GPX8: variants seen among roughly 807,000 people sequenced by gnomAD.
GPX8 encodes protein peroxidase GPX8.
Under a neutral mutation model 17.8 loss-of-function variants are expected in GPX8, and 12 were observed. The observed-to-expected ratio is 0.67, with a 90% CI of 0.43 to 1.09. The LOEUF (loss-of-function observed/expected upper bound fraction) is 1.09. Ranked by LOEUF, GPX8 falls within the 50% of genes least tolerant of loss-of-function variation. GPX8 has a pLI of 0.00. For missense variants in GPX8, 209 were observed against 235.6 expected, an observed-to-expected ratio of 0.89 and a Z score of 0.74; for synonymous variants, 86 against 88.1, an observed-to-expected ratio of 0.98 and a Z score of 0.14.
chr5:55,160,894 T>G, intron 1 of GPX8, 100 bp from the exon 2 acceptor site: 1 of 1,231,336 alleles, frequency 8.1e-7, no homozygotes, highest in Non-Finnish European at 1.1e-6. Flanking sequence ...CAATCAGAGG[T>G]TATAGTCCCC....
intron 2 of GPX8, among the ~76,000 whole-genome samples, chr5:55,162,514 G>C (rs182782996): frequency 1.3e-5 from 2 of 152,150 alleles, no homozygotes; most frequent in Non-Finnish European, 2.9e-5. Context: ...CCTCACTCAG[G>C]CAATCAAGCT....
At chr5:55,162,934 A>G (rs899035926) in intron 2 of GPX8, among the ~76,000 whole-genome samples, 1 of 152,148 alleles carries the variant, frequency 6.6e-6, no homozygotes, top group African/African-American at 2.4e-5. Context: ...CCGTATATCA[A>G]TCCTGGCTCA....
intron 2 of GPX8, among the ~76,000 whole-genome samples, chr5:55,161,647 A>C (rs1181587065): frequency 6.6e-6 from 1 of 152,248 alleles, no homozygotes; most frequent in Non-Finnish European, 1.5e-5. Context: ...TTATTAGTTA[A>C]CATATGTTTG....
chr5:55,163,524 G>A (rs1580373097), intron 2 of GPX8, among the ~76,000 whole-genome samples: 1 of 151,492 alleles, frequency 6.6e-6, no homozygotes, highest in Non-Finnish European at 1.5e-5. Flanking sequence ...AATTTTATTT[G>A]ACACAGAGTT....
chr5:55,161,653 G>A (rs1259887158), intron 2 of GPX8, among the ~76,000 whole-genome samples: 1 of 152,160 alleles, frequency 6.6e-6, no homozygotes, highest in East Asian at 1.9e-4. Context: ...GTTAACATAT[G>A]TTTGTGGCTA....
At position 55,160,271 on chromosome 5, in the gene GPX8, C is replaced by CTA. The variant is rs751311156; in HGVS notation, c.81_82dup (p.Cys28TyrfsTer4). 6.2e-7 allele frequency: 1 copy of CTA among 1,613,756 alleles called. No individual in the cohort carries two copies. Among genetic ancestry groups the CTA allele is most frequent in the Non-Finnish European group, 8.5e-7 (1 of 1,179,638 alleles). On this transcript the variant is annotated frameshift_variant, in exon 1 of 3. Coordinates refer to ENST00000503787, the MANE Select transcript of GPX8 (RefSeq NM_001008397.4). LOFTEE classifies it high-confidence loss of function. ...ATTTGCAGTTTTGCTGTCTATAGTT[C>CTA]TATGCACAGTAACGCTATTTCTTCT... is the stretch of plus-strand genomic sequence containing the variant.
At chr5:55,163,526 C>T (rs745720067) in intron 2 of GPX8, among the ~76,000 whole-genome samples, 14 of 151,832 alleles carry the variant, frequency 9.2e-5, no homozygotes, top group Non-Finnish European at 1.5e-4. Context: ...TTTTATTTGA[C>T]ACAGAGTTTC....
intron 2 of GPX8, 43 bp downstream of exon 2, chr5:55,161,298 T>C: frequency 1.3e-6 from 2 of 1,550,196 alleles, no homozygotes; most frequent in Non-Finnish European, 1.8e-6. Context: ...TTGCTTTTCA[T>C]TTTTAAACAA....
Position 55,160,277 on chromosome 5 carries a change from A to C in GPX8, c.85A>C (p.Thr29Pro). The change falls in exon 1 of 3, where the codon ACA becomes CCA. Residue 29 changes from threonine (T) to proline (P), a missense_variant. Physicochemically the swap from Thr to Pro is conservative, Grantham distance 38. Coordinates refer to ENST00000503787, the MANE Select transcript of GPX8 (RefSeq NM_001008397.4). ...FAVLLSIVLCTVTLFLLQLKF... is the reference protein window; with the variant it reads ...FAVLLSIVLCPVTLFLLQLKF... ...AGTTTTGCTGTCTATAGTTCTATGC[A>C]CAGTAACGCTATTTCTTCTACAACT... The C allele has an allele frequency of 6.2e-7, 1 of 1,613,874 alleles. No individual in the cohort carries two copies. Among genetic ancestry groups the C allele is most frequent in the Non-Finnish European group, 8.5e-7 (1 of 1,179,734 alleles).
rs771661014 is a variant in GPX8, at chr5:55,165,912, G to A, written c.*1694G>A. 7 of 152,230 alleles carry A rather than the reference G, an allele frequency of 4.6e-5. No individual in the cohort carries two copies. The highest frequency in any genetic ancestry group is 1.0e-4 in the Non-Finnish European group (7 of 68,048). The allele number at this position is 152,230 out of a possible 1,614,324, so 9.4% of individuals were successfully genotyped here. On this transcript the variant is annotated 3_prime_UTR_variant, in exon 3 of 3. Coordinates refer to ENST00000503787, the MANE Select transcript of GPX8 (RefSeq NM_001008397.4). Reference sequence around the variant, plus strand: ...CTAAGGTGTTTTAAGTGACCAGGAAGGAAATCAGAACTAACCTGGATTGTT... The same window carrying A: ...CTAAGGTGTTTTAAGTGACCAGGAAAGAAATCAGAACTAACCTGGATTGTT...
At chr5:55,161,461 G>T (rs1744060054) in intron 2 of GPX8, among the ~76,000 whole-genome samples, 1 of 152,140 alleles carries the variant, frequency 6.6e-6, no homozygotes, top group South Asian at 2.1e-4. Flanking sequence ...GATGGTAAAA[G>T]AATTCTATTC....
At position 55,164,885 on chromosome 5, in the gene GPX8, C is replaced by T. The variant is rs550120827; in HGVS notation, c.*667C>T. 6.6e-6 allele frequency: 1 copy of T among 151,858 alleles called. No individual in the cohort carries two copies. The highest frequency in any genetic ancestry group is 2.1e-4 in the South Asian group (1 of 4,810). The allele number at this position is 151,858 out of a possible 1,614,324, so 9.4% of individuals were successfully genotyped here. On this transcript the variant is annotated 3_prime_UTR_variant, in exon 3 of 3. Coordinates refer to ENST00000503787, the MANE Select transcript of GPX8 (RefSeq NM_001008397.4). The stretch of plus-strand genomic sequence containing the variant: ...ATATAAATAGTCATTTATAAATGAC[C>T]GTATTATAACATTTGAAAAAGTCTT...
At chr5:55,160,637 G>T in intron 1 of GPX8, 1 of 503,616 alleles carries the variant, frequency 2.0e-6, no homozygotes, top group Non-Finnish European at 3.5e-6. Flanking sequence ...ATGTAAAGTT[G>T]TTTGGAAAAT....
chr5:55,163,248 G>C (rs1010390458), intron 2 of GPX8, among the ~76,000 whole-genome samples: 2 of 152,112 alleles, frequency 1.3e-5, no homozygotes, highest in Non-Finnish European at 2.9e-5. Context: ...GGCTGGGCAT[G>C]GTAGCTCATG....
In GPX8 at chr5:55,161,110, C is replaced by T. The variant is rs185745382; in HGVS notation, c.321C>T (p.Pro107=). 134 of 1,614,160 alleles carry T rather than the reference C, an allele frequency of 8.3e-5. No homozygotes were observed. Among genetic ancestry groups the T allele is most frequent in the Non-Finnish European group, 1.6e-5 (19 of 1,180,030 alleles). ...CCCACTTCAGCGTGTTGGCTTTTCC[C>T]TGCAATCAGTTTGGAGAATCGGAGC... ...GPSHFSVLAF[P]CNQFGESEPR... Residue 107 remains proline (P), a synonymous_variant, in exon 2 of 3, where the codon CCC becomes CCT. Transcript: ENST00000503787.
chr5:55,163,218 A>T (rs1160981931), intron 2 of GPX8, among the ~76,000 whole-genome samples: 2 of 152,160 alleles, frequency 1.3e-5, no homozygotes, highest in Non-Finnish European at 2.9e-5. Flanking sequence ...ATAAATTAAG[A>T]TTTATCAAAA....
intron 2 of GPX8, among the ~76,000 whole-genome samples, chr5:55,162,143 C>T (rs548928257): frequency 1.8e-4 from 27 of 150,538 alleles, no homozygotes; most frequent in Non-Finnish European, 3.4e-4. Flanking sequence ...CGCCTGTAAT[C>T]CCAGCACTTT....
Position 55,164,189 on chromosome 5 carries a change from GT to G in GPX8, c.602del (p.Val201GlyfsTer3). 6.4e-7 allele frequency: 1 copy of G among 1,563,160 alleles called. No homozygotes were observed. ...TGACATAGCAGCTCTGGTTAGACAA[GT>G]GATCATAAAAAAGAAAGAGGATCTA... is the stretch of plus-strand genomic sequence containing the variant. ...RPDIAALVRQ[V>X]IIKKKEDL On this transcript the variant is annotated frameshift_variant, in exon 3 of 3. Transcript: ENST00000503787. LOFTEE classifies it high-confidence loss of function.
Position 55,165,445 on chromosome 5 carries a change from C to T in GPX8, c.*1227C>T, listed in dbSNP as rs1439292325. 6.6e-6 allele frequency: 1 copy of T among 152,140 alleles called. No individual in the cohort carries two copies. The highest frequency in any genetic ancestry group is 1.5e-5 in the Non-Finnish European group (1 of 68,032). The allele number at this position is 152,140 out of a possible 1,614,324, so 9.4% of individuals were successfully genotyped here. The stretch of plus-strand genomic sequence containing the variant: ...ATAAATTTGTCTAAGAAGAAAAAGA[C>T]CCAATTTAAGTAGTCTGTGACTTGA... On this transcript the variant is annotated 3_prime_UTR_variant, in exon 3 of 3. Coordinates refer to ENST00000503787, the MANE Select transcript of GPX8 (RefSeq NM_001008397.4).
Sources: allele counts gnomAD v4.1 joint callset (sites outside exome capture counted in the v4.1 genomes callset), GRCh38; gene constraint gnomAD v4.1.1; transcripts MANE v1.5; gene names NCBI Gene and HGNC (gene_info 2026-07-23, HGNC 2026-07-21).